CAST: variants seen among roughly 807,000 people sequenced by gnomAD.
CAST encodes MIR583 host.
A neutral mutation model predicts 119.6 loss-of-function variants in CAST; 76 were observed. The observed-to-expected ratio is 0.64, with a 90% CI of 0.53 to 0.77. CAST has a LOEUF of 0.77. Among genes scored for constraint, CAST ranks in the 30% least tolerant of loss-of-function variants. The pLI, the probability that CAST is intolerant of heterozygous loss-of-function variation, is 0.00. For synonymous variants in CAST, 319 were observed against 331.6 expected (o/e 0.96, Z 0.41); for missense variants, 953 against 946.5 (o/e 1.01, Z -0.09).
At chr5:96,548,739 G>A (rs1287165228) in intron 1 of CAST, among the ~76,000 whole-genome samples, 1 of 152,208 alleles carries the variant, frequency 6.6e-6, no homozygotes, top group Admixed American at 6.5e-5. Context: ...AATAAAGGGA[G>A]CATCTTCTGG....
the CAST span, among the ~76,000 whole-genome samples, chr5:95,986,909 G>T: frequency 1.3e-5 from 2 of 152,146 alleles, no homozygotes; most frequent in Non-Finnish European, 2.9e-5. Context: ...AGTAAAAAAT[G>T]CTGCACAGAG....
chr5:96,103,937 T>G, the CAST span, among the ~76,000 whole-genome samples: 1 of 152,128 alleles, frequency 6.6e-6, no homozygotes, highest in South Asian at 2.1e-4. Flanking sequence ...TGATTTGCAT[T>G]TCTCTGATGG....
the CAST span, among the ~76,000 whole-genome samples, chr5:96,394,415 C>G: frequency 1.3e-5 from 2 of 152,110 alleles, no homozygotes; most frequent in African/African-American, 2.4e-5. Context: ...TAAAAAGAAG[C>G]CTACATGATT....
intron 2 of CAST, among the ~76,000 whole-genome samples, chr5:96,681,780 A>G (rs1455298720): frequency 2.6e-5 from 4 of 151,564 alleles, no homozygotes; most frequent in Non-Finnish European, 5.9e-5. Context: ...TTATATATTA[A>G]TATGTGTTTT....
chr5:96,607,765 A>C (rs1275125444), intron 1 of CAST, among the ~76,000 whole-genome samples: 1 of 151,324 alleles, frequency 6.6e-6, no homozygotes, highest in Non-Finnish European at 1.5e-5. Context: ...GCCGGTGCAG[A>C]AGGTAAGGGT....
chr5:96,165,964 TTATC>T, the CAST span, among the ~76,000 whole-genome samples: 1 of 72,060 alleles, frequency 1.4e-5, no homozygotes. Context: ...TTCATTTTCA[TTATC>T]CATTTCATTA....
the CAST span, among the ~76,000 whole-genome samples, chr5:96,201,052 C>T: frequency 6.6e-6 from 1 of 151,972 alleles, no homozygotes; most frequent in East Asian, 1.9e-4. Context: ...AGGCAGATAT[C>T]CAAAGTATTT....
chr5:96,722,838 T>C (rs1758552645), intron 4 of CAST, 140 bp downstream of exon 4: 1 of 666,390 alleles, frequency 1.5e-6, no homozygotes, highest in Non-Finnish European at 2.7e-6. Flanking sequence ...CTTCCTAATT[T>C]ATGGGGGTCT....
At chr5:96,542,208 G>C (rs1035180986) in intron 1 of CAST, among the ~76,000 whole-genome samples, 5 of 151,782 alleles carry the variant, frequency 3.3e-5, no homozygotes, top group Non-Finnish European at 2.9e-5. Context: ...TACTCAGGAG[G>C]CTGAGGCAGA....
At chr5:96,552,974 C>G (rs1746164403) in intron 1 of CAST, among the ~76,000 whole-genome samples, 1 of 152,132 alleles carries the variant, frequency 6.6e-6, no homozygotes, top group South Asian at 2.1e-4. Flanking sequence ...TGAATTCTAC[C>G]AGAGGTACAA....
the CAST span, among the ~76,000 whole-genome samples, chr5:96,024,615 A>G: frequency 2.6e-5 from 4 of 152,186 alleles, no homozygotes; most frequent in Non-Finnish European, 5.9e-5. Flanking sequence ...TACAGCTACA[A>G]GCAAGATAAT....
chr5:96,291,898 G>A, the CAST span, among the ~76,000 whole-genome samples: 1,122 of 150,818 alleles, frequency 7.4e-3, 12 homozygotes, highest in African/African-American at 0.026. Flanking sequence ...TGGGGAAGGT[G>A]TGCCGATGAC....
rs1015538672 is a variant in CAST, at chr5:96,602,548, C to T, written c.60+72668C>T. ...AGGCAGATCACCTGAGGTCAGAAGT[C>T]CGAGACCAGCCTGGTCACATGGTGA... On this transcript the variant is annotated intron_variant, in intron 1 of 11. Transcript: ENST00000505143. Among the ~76,000 whole-genome samples the T allele has an allele frequency of 2.0e-5, 3 of 152,288 alleles. No homozygotes were observed. In the South Asian group the frequency reaches 6.2e-4, roughly 32 times the overall value.
chr5:96,502,548 T>TA, the CAST span, among the ~76,000 whole-genome samples: 2 of 151,928 alleles, frequency 1.3e-5, no homozygotes, highest in East Asian at 1.9e-4. Context: ...CAAAGATGTA[T>TA]AAAAAAAATT....
intron 3 of CAST, among the ~76,000 whole-genome samples, chr5:96,698,476 C>T (rs1753549449): frequency 6.6e-6 from 1 of 152,152 alleles, no homozygotes; most frequent in African/African-American, 2.4e-5. Flanking sequence ...TTTCCTTTGC[C>T]AGTTTCCTAA....
At chr5:96,256,181 A>C in the CAST span, among the ~76,000 whole-genome samples, 1 of 148,882 alleles carries the variant, frequency 6.7e-6, no homozygotes, top group Admixed American at 6.7e-5. Context: ...TTATATTTAC[A>C]TAGTATATAT....
chr5:96,754,250 A>T (rs1765794786), intron 21 of CAST, 89 bp downstream of exon 21: 1 of 839,988 alleles, frequency 1.2e-6, no homozygotes, highest in Admixed American at 2.0e-5. Context: ...TTTGTTTTTT[A>T]TATTTCCTGT....
intron 1 of CAST, among the ~76,000 whole-genome samples, chr5:96,656,437 G>A (rs760754521): frequency 5.3e-5 from 8 of 152,188 alleles, no homozygotes; most frequent in Non-Finnish European, 8.8e-5. Context: ...GTGGAAGGTC[G>A]TAAGGAAGCT....
chr5:96,663,045 C>G, intron 1 of CAST: 1 of 699,252 alleles, frequency 1.4e-6, no homozygotes, highest in East Asian at 2.7e-5. Context: ...CGGTCCCGGC[C>G]AAGCGGAGTG....
Sources: gnomAD v4.1 joint callset for allele counts (sites outside exome capture counted in the v4.1 genomes callset) on GRCh38, gnomAD v4.1.1 for gene constraint, MANE v1.5 for transcripts, NCBI Gene and HGNC (gene_info 2026-07-23, HGNC 2026-07-21) for gene names.